The following HACD4 variants were observed in gnomAD, a reference collection of about 807,000 sequenced individuals.
HACD4 encodes very-long-chain (3R)-3-hydroxyacyl-CoA dehydratase 4.
A neutral mutation model predicts 33.3 loss-of-function variants in HACD4; 35 were observed. The observed-to-expected ratio is 1.05, with a 90% CI of 0.80 to 1.39. The LOEUF is 1.39. Ranked by LOEUF, HACD4 falls within the 40% of genes most tolerant of loss-of-function variation. The pLI is 0.00. For synonymous variants in HACD4, 118 were observed against 98.0 expected (o/e 1.20, Z -1.21); for missense variants, 323 against 276.5 (o/e 1.17, Z -1.19).
At position 21,007,100 on chromosome 9, in the gene HACD4, A is replaced by T; in HGVS notation, c.636T>A (p.Ser212Arg). 1 of 1,563,124 alleles carries T rather than the reference A, an allele frequency of 6.4e-7. No individual in the cohort carries two copies. The highest frequency in any genetic ancestry group is 8.8e-7 in the Non-Finnish European group (1 of 1,133,716). Residue 212 changes from serine to arginine, a missense_variant, in exon 7 of 7, where the codon AGT (serine) becomes AGA (arginine). Transcript: ENST00000495827. ...MLFIGMYFTY[S>R]HLYSERRDIL... The stretch of plus-strand genomic sequence containing the variant: ...TGTCTCTTCTTTCTGAGTATAGATG[A>T]CTGTAGGTAAAATACATACCTAATA...
At chr9:21,027,288 A>C (rs1313677319) in intron 2 of HACD4, among the ~76,000 whole-genome samples, 1 of 152,190 alleles carries the variant, frequency 6.6e-6, no homozygotes, top group African/African-American at 2.4e-5. Flanking sequence ...GCCTCTGATC[A>C]GGACTTTTGG....
At chr9:21,015,802 C>T (rs1434783992) in intron 4 of HACD4, 96 bp downstream of exon 4, 2 of 651,894 alleles carry the variant, frequency 3.1e-6, no homozygotes, top group Non-Finnish European at 5.4e-6. Context: ...TTATGTTTTC[C>T]TCTCTCGTAC....
Position 21,007,164 on chromosome 9 carries a change from T to C in HACD4, c.617-45A>G, listed in dbSNP as rs1461722390. The C allele has an allele frequency of 3.0e-6, 3 of 985,752 alleles. No individual in the cohort carries two copies. In the East Asian group the frequency reaches 7.1e-5, roughly 23 times the overall value. The allele number at this position is 985,752 out of a possible 1,614,324, so 61.1% of individuals were successfully genotyped here. ...TGCAAAAGTAAGTAAGGTTAACTAT[T>C]TCTCTGGAAGAAACAATGCTTTTAA... On this transcript the variant is annotated intron_variant, in intron 6 of 6. Transcript: ENST00000495827.
chr9:21,017,190 G>A (rs1451918858), intron 3 of HACD4, among the ~76,000 whole-genome samples: 2 of 152,094 alleles, frequency 1.3e-5, no homozygotes, highest in Non-Finnish European at 2.9e-5. Flanking sequence ...GGCATTTATA[G>A]GCTGCTAGTC....
chr9:21,022,058 C>T (rs1817928447), intron 3 of HACD4, among the ~76,000 whole-genome samples: 1 of 152,076 alleles, frequency 6.6e-6, no homozygotes. Flanking sequence ...CAGAAGAGAG[C>T]CCTCAGAAGT....
At chr9:21,011,485 A>G in intron 5 of HACD4, 104 bp downstream of exon 5, 1 of 724,690 alleles carries the variant, frequency 1.4e-6, no homozygotes, top group South Asian at 1.5e-5. Context: ...TGAGTGAGCT[A>G]AGCATTCGCA....
In HACD4 at chr9:21,005,622, G is replaced by T. The variant is rs1156677681; in HGVS notation, c.*1415C>A. 5 of 152,338 alleles carry T rather than the reference G, an allele frequency of 3.3e-5. No homozygotes were observed. The East Asian group carries it at 9.7e-4, about 29-fold the overall frequency. The allele number at this position is 152,338 out of a possible 1,614,324, so 9.4% of individuals were successfully genotyped here. A position where few individuals can be genotyped will look rare whatever the true frequency, so the allele number is the denominator to read the frequency against. On this transcript the variant is annotated 3_prime_UTR_variant, in exon 7 of 7. Coordinates refer to ENST00000495827, the MANE Select transcript of HACD4 (RefSeq NM_001010915.5). This position sits in a 1 kb window ranked among gnomAD's most constrained non-coding sequence, Gnocchi z 4.0. ...AACAATGATTCAGAGAACATCAGTG[G>T]TACCTTCTCAGTTTCAAAAGGGGCA...
chr9:21,007,033 T>A lies in HACD4; in HGVS notation c.*4A>T. The A allele has an allele frequency of 6.6e-7, 1 of 1,512,940 alleles. No individual in the cohort carries two copies. The highest frequency in any genetic ancestry group is 9.2e-7 in the Non-Finnish European group (1 of 1,088,150). The allele number at this position is 1,512,940 out of a possible 1,614,324, so 93.7% of individuals were successfully genotyped here. A position where few individuals can be genotyped will look rare whatever the true frequency, so the allele number is the denominator to read the frequency against. ...TTTCTCGTGTCACACTGGAATGCTG[T>A]ACTTCACATCTTCTTTTTTTTAATG... On this transcript the variant is annotated 3_prime_UTR_variant, in exon 7 of 7. Coordinates refer to ENST00000495827, the MANE Select transcript of HACD4 (RefSeq NM_001010915.5).
intron 5 of HACD4, among the ~76,000 whole-genome samples, chr9:21,011,229 G>A (rs1168394398): frequency 1.3e-5 from 2 of 152,222 alleles, no homozygotes; most frequent in African/African-American, 4.8e-5. Flanking sequence ...AGACTCACCA[G>A]AGGGGACTGA....
intron 4 of HACD4, 40 bp downstream of exon 4, chr9:21,015,858 C>T (rs922380426): frequency 1.5e-6 from 2 of 1,333,052 alleles, no homozygotes; most frequent in African/African-American, 1.4e-5. Flanking sequence ...CTGCAGAAAG[C>T]AATTTAGCCT....
Position 21,008,089 on chromosome 9 carries a change from T to C in HACD4, c.548A>G (p.Lys183Arg). 1 of 1,611,572 alleles carries C rather than the reference T, an allele frequency of 6.2e-7. No homozygotes were observed. Among genetic ancestry groups the C allele is most frequent in the Non-Finnish European group, 8.5e-7 (1 of 1,178,646 alleles). Residue 183 changes from lysine (K) to arginine (R), a missense_variant, in exon 6 of 7, where the codon AAG becomes AGG. Coordinates refer to ENST00000495827, the MANE Select transcript of HACD4 (RefSeq NM_001010915.5). ...YFESFGTYSTKLPFDLSIYFP... is the reference protein window; with the variant it reads ...YFESFGTYSTRLPFDLSIYFP... Reference sequence around the variant, plus strand: ...ATAGATGGATAAGTCAAAGGGCAGCTTGGTGGAATAAGTGCCAAATGATTC... The same window carrying C: ...ATAGATGGATAAGTCAAAGGGCAGCCTGGTGGAATAAGTGCCAAATGATTC...
At chr9:21,020,889 T>C (rs1299968153) in intron 3 of HACD4, among the ~76,000 whole-genome samples, 3 of 152,124 alleles carry the variant, frequency 2.0e-5, no homozygotes, top group Non-Finnish European at 4.4e-5. Context: ...AGTCAATGGG[T>C]TTTTTCCTTT....
chr9:21,013,911 T>C (rs1368964865), intron 4 of HACD4, among the ~76,000 whole-genome samples: 1 of 152,220 alleles, frequency 6.6e-6, no homozygotes, highest in Non-Finnish European at 1.5e-5. Flanking sequence ...AGATGCCTTT[T>C]ATACCATTTT....
chr9:21,000,039 A>G lies in HACD4; in HGVS notation c.*6998T>C, dbSNP rs937424699. On this transcript the variant is annotated 3_prime_UTR_variant, in exon 7 of 7. Coordinates refer to ENST00000495827, the MANE Select transcript of HACD4 (RefSeq NM_001010915.5). ...TTAGTAAATAATGGAGCTTGATCTC[A>G]AATCAAACCTAGTGCTCTTAATTCC... The G allele has an allele frequency of 6.6e-6, 1 of 152,192 alleles. No individual in the cohort carries two copies. Among genetic ancestry groups the G allele is most frequent in the African/African-American group, 2.4e-5 (1 of 41,466 alleles). 9.4% of individuals were successfully genotyped at this position (152,192 alleles called of 1,614,324 possible).
chr9:21,013,864 G>A (rs1216079753), intron 4 of HACD4, among the ~76,000 whole-genome samples: 1 of 152,060 alleles, frequency 6.6e-6, no homozygotes, highest in Non-Finnish European at 1.5e-5. Context: ...GATGTCATCT[G>A]CCAATAGAGA....
In HACD4 at chr9:21,003,296, A is replaced by G. The variant is rs1587819917; in HGVS notation, c.*3741T>C. 2 of 152,114 alleles carry G rather than the reference A, an allele frequency of 1.3e-5. No individual in the cohort carries two copies. The highest frequency in any genetic ancestry group is 3.8e-4 in the East Asian group (2 of 5,204). 9.4% of individuals were successfully genotyped at this position (152,114 alleles called of 1,614,324 possible). ...AATAATGAAATTTTAATTTATTATA[A>G]TGACCCAGTAAAGTGTAGTTTCTCT... On this transcript the variant is annotated 3_prime_UTR_variant, in exon 7 of 7. Coordinates refer to ENST00000495827, the MANE Select transcript of HACD4 (RefSeq NM_001010915.5).
chr9:21,029,488 G>C (rs1255175707), intron 1 of HACD4, 90 bp from the exon 2 acceptor site: 9 of 739,120 alleles, frequency 1.2e-5, no homozygotes, highest in Admixed American at 2.9e-5. Flanking sequence ...TGGCCAACCT[G>C]AGAAAGCAAA....
intron 1 of HACD4, among the ~76,000 whole-genome samples, chr9:21,029,621 G>A (rs1377889291): frequency 3.3e-5 from 5 of 152,194 alleles, no homozygotes; most frequent in African/African-American, 1.2e-4. Context: ...TTATGATGAA[G>A]TTACGTCCTG....
chr9:21,007,916 C>T, intron 6 of HACD4, 105 bp downstream of exon 6: 1 of 1,013,726 alleles, frequency 9.9e-7, no homozygotes, highest in East Asian at 2.8e-5. Flanking sequence ...CAGGCTTCCT[C>T]TTTGGTCTCT....
Sources: allele counts gnomAD v4.1 joint callset (sites outside exome capture counted in the v4.1 genomes callset), GRCh38; gene constraint gnomAD v4.1.1; non-coding constraint Gnocchi (gnomAD v3.1); transcripts MANE v1.5; gene names NCBI Gene and HGNC (gene_info 2026-07-23, HGNC 2026-07-21).